Variants in IFT74 observed in about 807,000 individuals in gnomAD.
IFT74 encodes intraflagellar transport protein 74 homolog.
IFT74 carries 92 observed loss-of-function variants against 96.7 expected under a neutral mutation model. The ratio of observed to expected loss-of-function variants is 0.95; its 90% CI spans 0.80 to 1.13. IFT74 has a LOEUF of 1.13. Ranked by LOEUF, IFT74 falls within the 50% of genes most tolerant of loss-of-function variation. The pLI is 0.00. For missense variants in IFT74, 811 were observed against 698.2 expected (o/e 1.16, Z -1.82); for synonymous variants, 223 against 213.2 (o/e 1.05, Z -0.40).
intron 9 of IFT74, among the ~76,000 whole-genome samples, chr9:27,010,081 G>A (rs143901942): frequency 0.069 from 10,410 of 151,142 alleles, 469 homozygotes; most frequent in Non-Finnish European, 0.1. Context: ...TACGCCTCCC[G>A]GGTTCATGCC....
chr9:27,021,665 T>A (rs1477162037), intron 12 of IFT74, among the ~76,000 whole-genome samples: 1 of 152,206 alleles, frequency 6.6e-6, no homozygotes, highest in Non-Finnish European at 1.5e-5. Context: ...AGCCCACTTT[T>A]CACTTTTTTA....
intron 9 of IFT74, among the ~76,000 whole-genome samples, chr9:27,010,145 G>A (rs1427142860): frequency 5.3e-5 from 8 of 151,810 alleles, no homozygotes; most frequent in Non-Finnish European, 1.0e-4. Context: ...CCGCCACCAC[G>A]CCCGGCTGAT....
chr9:26,947,142 T>C (rs1241849840), exon 1 of IFT74: 2 of 1,355,260 alleles, frequency 1.5e-6, no homozygotes, highest in Admixed American at 3.3e-5. Flanking sequence ...GAGAAGAGCC[T>C]GCAGGTAAGG....
chr9:27,043,918 T>A (rs1819584356), intron 13 of IFT74, among the ~76,000 whole-genome samples: 1 of 147,160 alleles, frequency 6.8e-6, no homozygotes, highest in Non-Finnish European at 1.5e-5. Context: ...CAATCTTACT[T>A]CTCTTTTATT....
chr9:27,007,393 A>T (rs931560967), intron 8 of IFT74, among the ~76,000 whole-genome samples: 4 of 152,332 alleles, frequency 2.6e-5, no homozygotes, highest in Admixed American at 6.5e-5. Flanking sequence ...CTTCCAAAAG[A>T]TTAATTCCAC....
intron 2 of IFT74, among the ~76,000 whole-genome samples, chr9:26,977,586 T>G (rs1415292767): frequency 1.3e-5 from 2 of 152,256 alleles, no homozygotes; most frequent in Middle Eastern, 3.4e-3. Context: ...CCTCCCAGAT[T>G]CAAGCGACTC....
chr9:26,962,591 A>G (rs1826413687), intron 2 of IFT74, among the ~76,000 whole-genome samples: 1 of 152,242 alleles, frequency 6.6e-6, no homozygotes, highest in Admixed American at 6.5e-5. Flanking sequence ...CATTCCAATA[A>G]TTGTTAAACC....
At chr9:27,059,392 T>A (rs2095699657) in intron 18 of IFT74, among the ~76,000 whole-genome samples, 1 of 152,104 alleles carries the variant, frequency 6.6e-6, no homozygotes, top group Non-Finnish European at 1.5e-5. Flanking sequence ...TTTAAAGGAG[T>A]CAATAATATA....
chr9:26,999,574 C>G (rs766489352), intron 8 of IFT74: 3 of 1,429,926 alleles, frequency 2.1e-6, no homozygotes, highest in Non-Finnish European at 2.9e-6. Context: ...GAAAATGTAC[C>G]TTTGAAAATA....
At chr9:26,976,368 C>G (rs960158608) in intron 2 of IFT74, among the ~76,000 whole-genome samples, 4 of 152,190 alleles carry the variant, frequency 2.6e-5, no homozygotes, top group African/African-American at 9.6e-5. Flanking sequence ...TAGGGTGCTT[C>G]TTACAGGGCT....
At chr9:27,058,829 T>G (rs983919948) in intron 18 of IFT74, among the ~76,000 whole-genome samples, 4 of 152,224 alleles carry the variant, frequency 2.6e-5, no homozygotes, top group Non-Finnish European at 5.9e-5. Context: ...AATCACTAAT[T>G]TACATAATTC....
chr9:26,966,670 A>G (rs1826632961), intron 2 of IFT74, among the ~76,000 whole-genome samples: 1 of 151,858 alleles, frequency 6.6e-6, no homozygotes, highest in Non-Finnish European at 1.5e-5. Context: ...GTGCTTTTTA[A>G]CTTGATGTGA....
At chr9:26,983,199 A>T (rs576984006) in intron 4 of IFT74, among the ~76,000 whole-genome samples, 1 of 152,342 alleles carries the variant, frequency 6.6e-6, no homozygotes, top group African/African-American at 2.4e-5. Context: ...TCTCAAAGCT[A>T]AGAGTAGTAA....
At chr9:27,025,811 A>G (rs1337385367) in intron 12 of IFT74, among the ~76,000 whole-genome samples, 1 of 152,238 alleles carries the variant, frequency 6.6e-6, no homozygotes, top group Non-Finnish European at 1.5e-5. Context: ...CCAAGGCAGC[A>G]CTACAAGAGC....
chr9:26,948,448 A>ATTATTATTATTATTATTTTTTT (rs1825819541), intron 1 of IFT74, among the ~76,000 whole-genome samples: 3 of 59,162 alleles, frequency 5.1e-5, no homozygotes, highest in African/African-American at 1.6e-4. Flanking sequence ...GCTTTCCATT[A>ATTATTATTATTATTATTTTTTT]TTTTTTTTTT....
intron 8 of IFT74, among the ~76,000 whole-genome samples, chr9:27,001,195 C>A (rs1197545161): frequency 6.6e-6 from 1 of 151,794 alleles, no homozygotes; most frequent in Non-Finnish European, 1.5e-5. Flanking sequence ...TTTTTTTAAT[C>A]CATTCATCTG....
At chr9:27,020,501 G>T (rs769971224) in intron 12 of IFT74, among the ~76,000 whole-genome samples, 60 of 140,792 alleles carry the variant, frequency 4.3e-4, no homozygotes, top group Non-Finnish European at 7.1e-4. Context: ...TTGAGACAGA[G>T]TCTCCCTCTG....
chr9:27,010,145 G>T (rs1427142860), intron 9 of IFT74, among the ~76,000 whole-genome samples: 1 of 151,692 alleles, frequency 6.6e-6, no homozygotes, highest in Non-Finnish European at 1.5e-5. Flanking sequence ...CCGCCACCAC[G>T]CCCGGCTGAT....
chr9:27,012,440 G>A (rs1354101466), intron 10 of IFT74, among the ~76,000 whole-genome samples: 2 of 151,830 alleles, frequency 1.3e-5, no homozygotes, highest in Admixed American at 1.3e-4. Context: ...CTGATGTACA[G>A]CTCCTGGCCT....
Sources: allele counts gnomAD v4.1 joint callset (sites outside exome capture counted in the v4.1 genomes callset), GRCh38; gene constraint gnomAD v4.1.1; transcripts MANE v1.5; gene names NCBI Gene and HGNC (gene_info 2026-07-23, HGNC 2026-07-21).